The following PPP2R3A variants were observed in gnomAD, a reference collection of about 807,000 sequenced individuals.
The protein encoded by PPP2R3A is protein phosphatase 2 regulatory subunit B''alpha, also known as serine/threonine-protein phosphatase 2A regulatory subunit B'' subunit alpha.
In PPP2R3A, 80 loss-of-function variants were observed where a neutral mutation model predicts 106.9. The observed-to-expected ratio is 0.75, with a 90% CI of 0.62 to 0.90. The LOEUF is 0.90. Ranked by LOEUF, PPP2R3A falls within the 40% of genes least tolerant of loss-of-function variation. The pLI is 0.00. For missense variants in PPP2R3A, 1,386 were observed against 1,350.4 expected, an observed-to-expected ratio of 1.03 and a Z score of -0.41; for synonymous variants, 483 against 468.3, an observed-to-expected ratio of 1.03 and a Z score of -0.41.
In PPP2R3A at chr3:136,090,684, T is replaced by G. The variant is rs1937074242; in HGVS notation, c.2927+17T>G. The stretch of plus-strand genomic sequence containing the variant: ...TCCTACCAGGTATGATTTCTAAGTT[T>G]CCTTTGCCAAGATGTTAAACACATG... On this transcript the variant is annotated intron_variant, in intron 10 of 13. Transcript: ENST00000264977. 6.3e-7 allele frequency: 1 copy of G among 1,597,428 alleles called. No individual in the cohort carries two copies. The highest frequency in any genetic ancestry group is 1.3e-5 in the African/African-American group (1 of 74,530).
chr3:136,143,663 G>T (rs1938971475), intron 13 of PPP2R3A, among the ~76,000 whole-genome samples: 1 of 151,512 alleles, frequency 6.6e-6, no homozygotes, highest in Non-Finnish European at 1.5e-5. Context: ...GGTGGCACAT[G>T]CCTGTAAATC....
intron 1 of PPP2R3A, among the ~76,000 whole-genome samples, chr3:135,994,210 C>T (rs79846857): frequency 0.011 from 1,658 of 152,300 alleles, 25 homozygotes; most frequent in African/African-American, 0.033. Flanking sequence ...TTCTATTTCT[C>T]TAGAAAAAGA....
intron 9 of PPP2R3A, among the ~76,000 whole-genome samples, chr3:136,090,268 C>G (rs1937062909): frequency 6.6e-6 from 1 of 152,076 alleles, no homozygotes; most frequent in South Asian, 2.1e-4. Flanking sequence ...TTTGAGGTAT[C>G]TTCCATTGAT....
chr3:136,018,691 A>G (rs1323297881), intron 2 of PPP2R3A, among the ~76,000 whole-genome samples: 1 of 152,196 alleles, frequency 6.6e-6, no homozygotes, highest in East Asian at 1.9e-4. Context: ...TCCTTTCAGT[A>G]TAGGGTAAGG....
At chr3:136,116,337 A>G (rs1937760749) in intron 13 of PPP2R3A, among the ~76,000 whole-genome samples, 1 of 152,198 alleles carries the variant, frequency 6.6e-6, no homozygotes, top group Admixed American at 6.5e-5. Flanking sequence ...GCATCAACTA[A>G]CGGACAAAAT....
chr3:136,025,279 A>C (rs1366161275), intron 2 of PPP2R3A, among the ~76,000 whole-genome samples: 1 of 152,176 alleles, frequency 6.6e-6, no homozygotes, highest in Admixed American at 6.6e-5. Flanking sequence ...TTTTGAGGTC[A>C]CAGAGTAGTA....
intron 13 of PPP2R3A, 185 bp downstream of exon 13, chr3:136,106,507 CT>C (rs1937519384): frequency 1.7e-6 from 1 of 590,450 alleles, no homozygotes; most frequent in Non-Finnish European, 3.0e-6. Flanking sequence ...CTGACAGAGT[CT>C]TCTCATGTCC....
At chr3:136,031,656 A>G (rs1291371091) in intron 3 of PPP2R3A, among the ~76,000 whole-genome samples, 1 of 152,240 alleles carries the variant, frequency 6.6e-6, no homozygotes, top group African/African-American at 2.4e-5. Flanking sequence ...TTAAGTCCTT[A>G]GTCCATCTTG....
At chr3:136,038,420 G>A (rs1935155883) in intron 3 of PPP2R3A, among the ~76,000 whole-genome samples, 1 of 152,096 alleles carries the variant, frequency 6.6e-6, no homozygotes, top group South Asian at 2.1e-4. Flanking sequence ...TTTAATAGGA[G>A]TCTTCTGGAG....
In PPP2R3A at chr3:136,061,105, T is replaced by G. The variant is rs184531773; in HGVS notation, c.2470-9373T>G. On this transcript the variant is annotated intron_variant, in intron 5 of 13. Coordinates refer to ENST00000264977, the MANE Select transcript of PPP2R3A (RefSeq NM_002718.5). Reference sequence around the variant, plus strand: ...AGAAAAAGCTGTTAGAATTTTAAAATGTAGGTACCAAAAGCTCAGCATAAG... The same window carrying G: ...AGAAAAAGCTGTTAGAATTTTAAAAGGTAGGTACCAAAAGCTCAGCATAAG... 2.3e-4 allele frequency among the ~76,000 whole-genome samples: 35 copies of G among 152,228 alleles called. No homozygotes were observed. The East Asian group carries it at 6.8e-3, about 29-fold the overall frequency.
intron 1 of PPP2R3A, among the ~76,000 whole-genome samples, chr3:135,979,712 C>G (rs567463065): frequency 2.0e-5 from 3 of 151,512 alleles, no homozygotes; most frequent in Admixed American, 2.0e-4. Flanking sequence ...CCAAAACATA[C>G]TGGGCAGACA....
At chr3:136,058,209 G>A (rs374681679) in intron 5 of PPP2R3A, among the ~76,000 whole-genome samples, 34 of 152,234 alleles carry the variant, frequency 2.2e-4, no homozygotes, top group East Asian at 1.3e-3. Context: ...AAGAAATAAA[G>A]GGCATCAGGA....
intron 2 of PPP2R3A, among the ~76,000 whole-genome samples, chr3:136,025,859 G>C (rs1009953337): frequency 5.3e-5 from 8 of 151,892 alleles, no homozygotes; most frequent in Non-Finnish European, 1.2e-4. Flanking sequence ...TTAATTAAGA[G>C]TGGAAATTAG....
intron 13 of PPP2R3A, among the ~76,000 whole-genome samples, chr3:136,116,058 C>T (rs952127924): frequency 1.3e-5 from 2 of 152,186 alleles, no homozygotes; most frequent in Admixed American, 6.5e-5. Flanking sequence ...TGCAGAAACC[C>T]TACAAGCCAG....
chr3:136,099,423 C>T (rs562288971), intron 10 of PPP2R3A, among the ~76,000 whole-genome samples: 6 of 151,930 alleles, frequency 3.9e-5, no homozygotes, highest in South Asian at 4.2e-4. Context: ...AGAAAAAAAA[C>T]ACAGTGATTA....
At chr3:136,042,022 T>C (rs190481401) in intron 4 of PPP2R3A, among the ~76,000 whole-genome samples, 4 of 152,338 alleles carry the variant, frequency 2.6e-5, no homozygotes, top group Admixed American at 2.0e-4. Flanking sequence ...CCTGGTAAAC[T>C]ATTGGGAAAT....
At chr3:136,124,087 A>G (rs1371592228) in intron 13 of PPP2R3A, among the ~76,000 whole-genome samples, 3 of 152,250 alleles carry the variant, frequency 2.0e-5, no homozygotes, top group Non-Finnish European at 4.4e-5. Context: ...ATCTGGGAAC[A>G]CCAAAATATT....
chr3:135,981,490 C>G (rs1410051571), intron 1 of PPP2R3A, among the ~76,000 whole-genome samples: 4 of 151,740 alleles, frequency 2.6e-5, no homozygotes, highest in African/African-American at 9.7e-5. Flanking sequence ...AAAAAGTGAC[C>G]TTTTTTTCTA....
At chr3:136,136,104 A>G (rs1938616468) in intron 13 of PPP2R3A, among the ~76,000 whole-genome samples, 1 of 145,558 alleles carries the variant, frequency 6.9e-6, no homozygotes, top group African/African-American at 2.6e-5. Context: ...AAAAAACATC[A>G]TGGTTAAGAG....
Sources: gnomAD v4.1 joint callset for allele counts (sites outside exome capture counted in the v4.1 genomes callset) on GRCh38, gnomAD v4.1.1 for gene constraint, MANE v1.5 for transcripts, NCBI Gene and HGNC (gene_info 2026-07-23, HGNC 2026-07-21) for gene names.